Variants in DNAAF9 observed in about 807,000 individuals in gnomAD.
The protein encoded by DNAAF9 is shulin.
DNAAF9 carries 90 observed loss-of-function variants against 167.0 expected under a neutral mutation model. The observed-to-expected ratio is 0.54, with a 90% CI of 0.45 to 0.64. The LOEUF (loss-of-function observed/expected upper bound fraction) is 0.64. DNAAF9 is among the 30% of genes least tolerant of loss of function. DNAAF9 has a pLI of 0.00. For missense variants in DNAAF9, 1,315 were observed against 1,442.2 expected, an observed-to-expected ratio of 0.91 and a Z score of 1.43; for synonymous variants, 491 against 508.8, an observed-to-expected ratio of 0.96 and a Z score of 0.47.
At chr20:3,340,965 A>G (rs558971511) in intron 9 of DNAAF9, among the ~76,000 whole-genome samples, 46 of 152,186 alleles carry the variant, frequency 3.0e-4, no homozygotes, top group Non-Finnish European at 5.6e-4. Flanking sequence ...CCGGTATTAT[A>G]AAATAGAATT....
rs71195831 is a variant in DNAAF9 at position 3,301,018 on chromosome 20, C to CT, written c.1783-2844dup. On this transcript the variant is annotated intron_variant, in intron 21 of 36. Coordinates refer to ENST00000252032, the MANE Select transcript of DNAAF9 (RefSeq NM_001009984.3). ...GCTAACATTTAGTACTTTTGTTTTC[C>CT]TTTTTTTTTTTTCAGAGACAGGGTC... Among the ~76,000 whole-genome samples, 252 of 144,168 alleles carry CT rather than the reference C, an allele frequency of 1.7e-3. 4 individuals carry two copies. The South Asian group carries it at 0.026, about 15-fold the overall frequency. The allele number at this position is 144,168 out of a possible 152,430, so 94.6% of individuals were successfully genotyped here.
chr20:3,296,826 G>T, intron 23 of DNAAF9, 35 bp downstream of exon 23: 2 of 1,375,200 alleles, frequency 1.5e-6, no homozygotes, highest in South Asian at 2.3e-5. Flanking sequence ...ACAAAGCCTA[G>T]GGAAGCAAGC....
At chr20:3,300,678 A>AAAT (rs34199778) in intron 21 of DNAAF9, among the ~76,000 whole-genome samples, 11,858 of 133,930 alleles carry the variant, frequency 0.089, 539 homozygotes, top group South Asian at 0.12. Context: ...GACTCCATCT[A>AAAT]AATAATAATA....
intron 3 of DNAAF9, among the ~76,000 whole-genome samples, chr20:3,379,787 G>A (rs763151876): frequency 6.6e-6 from 1 of 152,132 alleles, no homozygotes; most frequent in East Asian, 1.9e-4. Context: ...CAGGCCAGGC[G>A]TGGTGGCTCA....
intron 29 of DNAAF9, among the ~76,000 whole-genome samples, chr20:3,275,992 T>C (rs1039271827): frequency 3.3e-5 from 5 of 152,228 alleles, no homozygotes; most frequent in Admixed American, 2.6e-4. Context: ...ACCAGCATTA[T>C]AATGAGTCTT....
intron 20 of DNAAF9, among the ~76,000 whole-genome samples, chr20:3,307,387 G>T (rs2069318060): frequency 6.6e-6 from 1 of 152,150 alleles, no homozygotes; most frequent in South Asian, 2.1e-4. Flanking sequence ...GAGCACACAT[G>T]AGATAAGTGA....
intron 6 of DNAAF9, among the ~76,000 whole-genome samples, chr20:3,370,023 T>C (rs753331565): frequency 6.6e-6 from 1 of 152,216 alleles, no homozygotes; most frequent in Non-Finnish European, 1.5e-5. Context: ...TTTAATCAAA[T>C]GTCTGGTGAT....
rs1373949556 is a variant in DNAAF9 at position 3,298,041 on chromosome 20, T to C, written c.1917A>G (p.Ala639=). 2 of 1,613,172 alleles carry C rather than the reference T, an allele frequency of 1.2e-6. No individual in the cohort carries two copies. Among genetic ancestry groups the C allele is most frequent in the African/African-American group, 1.3e-5 (1 of 75,032 alleles). ...ALFPKSKIYQ[A]FYSEVFSLWK... Reference sequence around the variant, plus strand: ...TGACTGATATTACCTCTGAGTAAAATGCTTGGTATATCTTCGATTTGGGGA... The same window carrying C: ...TGACTGATATTACCTCTGAGTAAAACGCTTGGTATATCTTCGATTTGGGGA... Residue 639 remains alanine, a synonymous_variant, in exon 22 of 37, where the codon GCA becomes GCG. Coordinates refer to ENST00000252032, the MANE Select transcript of DNAAF9 (RefSeq NM_001009984.3).
rs780169095 is a variant in DNAAF9 at position 3,324,991 on chromosome 20, C to CA, written c.1189-24dup. On this transcript the variant is annotated intron_variant, in intron 13 of 36. Coordinates refer to ENST00000252032, the MANE Select transcript of DNAAF9 (RefSeq NM_001009984.3). The stretch of plus-strand genomic sequence containing the variant: ...GGCCTGTAAAATAATAAGACAGCGA[C>CA]AATTAGCTTTCACAGCAGGAAAAAG... 3.6e-6 allele frequency: 5 copies of CA among 1,404,710 alleles called. 1 individual carries two copies. In the South Asian group the frequency reaches 5.8e-5, roughly 16 times the overall value. The allele number at this position is 1,404,710 out of a possible 1,614,324, so 87.0% of individuals were successfully genotyped here.
chr20:3,310,721 A>G (rs1182226563), intron 20 of DNAAF9, among the ~76,000 whole-genome samples: 1 of 152,102 alleles, frequency 6.6e-6, no homozygotes, highest in Non-Finnish European at 1.5e-5. Context: ...AAACAAGAAA[A>G]AGGCAATCTA....
chr20:3,394,942 C>T (rs868710808), intron 1 of DNAAF9, among the ~76,000 whole-genome samples: 47 of 89,010 alleles, frequency 5.3e-4, no homozygotes, highest in Middle Eastern at 9.7e-3. Context: ...TGAACATTTT[C>T]TTTTTTCTTT....
At position 3,382,227 on chromosome 20, in the gene DNAAF9, G is replaced by C. The variant is rs555265526; in HGVS notation, c.163+200C>G. Among the ~76,000 whole-genome samples the C allele has an allele frequency of 1.1e-4, 16 of 152,262 alleles. No homozygotes were observed. The South Asian group carries it at 2.9e-3, about 28-fold the overall frequency. ...GCTAAAAGAAGGGCTTAAGGCAGAAGTAGCTCCAAAAATGGGCTTCCTATC... is the reference window on the plus strand; with the variant it reads ...GCTAAAAGAAGGGCTTAAGGCAGAACTAGCTCCAAAAATGGGCTTCCTATC... On this transcript the variant is annotated intron_variant, in intron 2 of 36. Transcript: ENST00000252032.
intron 1 of DNAAF9, among the ~76,000 whole-genome samples, chr20:3,403,836 A>C (rs2084020177): frequency 6.6e-6 from 1 of 152,030 alleles, no homozygotes. Flanking sequence ...TATGTTTTTT[A>C]GAGACAGGGG....
intron 6 of DNAAF9, among the ~76,000 whole-genome samples, chr20:3,362,995 G>A (rs777840274): frequency 5.9e-5 from 9 of 152,126 alleles, no homozygotes; most frequent in Non-Finnish European, 1.2e-4. Flanking sequence ...TTGGGAGGCC[G>A]AGGCGGGCAG....
At chr20:3,324,405 C>A (rs1021537551) in intron 14 of DNAAF9, among the ~76,000 whole-genome samples, 1 of 152,126 alleles carries the variant, frequency 6.6e-6, no homozygotes, top group African/African-American at 2.4e-5. Flanking sequence ...TAACAACCAC[C>A]GTGACATGCT....
chr20:3,309,801 C>G (rs925754935), intron 20 of DNAAF9, among the ~76,000 whole-genome samples: 5 of 152,020 alleles, frequency 3.3e-5, no homozygotes, highest in Non-Finnish European at 7.4e-5. Flanking sequence ...AACTTTTATT[C>G]ATGAAAAAGC....
At chr20:3,268,884 T>C (rs1177636327) in intron 30 of DNAAF9, among the ~76,000 whole-genome samples, 1 of 148,702 alleles carries the variant, frequency 6.7e-6, no homozygotes, top group Admixed American at 6.8e-5. Flanking sequence ...AAAGAGATAA[T>C]ATCTCTATGT....
At chr20:3,405,695 T>C (rs1202907195) in intron 1 of DNAAF9, among the ~76,000 whole-genome samples, 1 of 152,158 alleles carries the variant, frequency 6.6e-6, no homozygotes. Context: ...AAAAAGCACA[T>C]GGCCATGCTA....
chr20:3,262,997 C>T lies in DNAAF9; in HGVS notation c.2873+1441G>A, dbSNP rs747299667. 1.5e-3 allele frequency among the ~76,000 whole-genome samples: 142 copies of T among 97,880 alleles called. 1 individual carries two copies. Among genetic ancestry groups the T allele is most frequent in the Admixed American group, 4.0e-3 (25 of 6,180 alleles). The allele number at this position is 97,880 out of a possible 152,430, so 64.2% of individuals were successfully genotyped here. On this transcript the variant is annotated intron_variant, in intron 31 of 36. Transcript: ENST00000252032. The stretch of plus-strand genomic sequence containing the variant: ...TTTTTTTTTTTTTTTTTTTTTGAGA[C>T]GGAGTCTCGCTCTGTCGCCCAAGCT...
Sources: gnomAD v4.1 joint callset for allele counts (sites outside exome capture counted in the v4.1 genomes callset) on GRCh38, gnomAD v4.1.1 for gene constraint, MANE v1.5 for transcripts, NCBI Gene and HGNC (gene_info 2026-07-23, HGNC 2026-07-21) for gene names.